Variants in DOCK9 observed in about 807,000 individuals in gnomAD.
DOCK9 encodes the protein dedicator of cytokinesis protein 9.
Under a neutral mutation model 263.3 loss-of-function variants are expected in DOCK9, and 89 were observed. The observed-to-expected ratio is 0.34, with a 90% CI of 0.28 to 0.40. The LOEUF is 0.40. Among genes scored for constraint, DOCK9 ranks in the 10% least tolerant of loss-of-function variants. The probability of loss-of-function intolerance (pLI) is 1.00; values close to 1 mark genes in which losing one functional copy is unlikely to be tolerated. For missense variants in DOCK9, 2,140 were observed against 2,603.4 expected (o/e 0.82, Z 3.87); for synonymous variants, 976 against 973.1 (o/e 1.00, Z -0.06).
chr13:99,083,220 A>G (rs1413944305), intron 1 of DOCK9, among the ~76,000 whole-genome samples: 1 of 151,700 alleles, frequency 6.6e-6, no homozygotes, highest in African/African-American at 2.4e-5. Context: ...ACGCCACTGC[A>G]CTCCAGCCTG....
At position 98,863,423 on chromosome 13, in the gene DOCK9, C is replaced by A. The variant is rs1282290340; in HGVS notation, c.3412G>T (p.Val1138Leu). 1 of 1,613,860 alleles carries A rather than the reference C, an allele frequency of 6.2e-7. No individual in the cohort carries two copies. Among genetic ancestry groups the A allele is most frequent in the African/African-American group, 1.3e-5 (1 of 74,888 alleles). The change falls in exon 31 of 53, where the codon GTG becomes TTG. Residue 1138 changes from valine to leucine, a missense_variant. Val to Leu is a conservative substitution (Grantham distance 32). This residue lies in a region of DOCK9 where 1,521 missense variants were observed against 1,741.7 expected (regional missense o/e 0.87). Coordinates refer to ENST00000682017, the MANE Select transcript of DOCK9 (RefSeq NM_001366683.2). Reference protein sequence around the residue: ...FREVRLIAISVLKNLLIKHSF... With the variant: ...FREVRLIAISLLKNLLIKHSF... ...TGCTTTATCAGCAGGTTCTTGAGCA[C>A]ACTGATGGCGATCAGACGGACCTCC... is the stretch of plus-strand genomic sequence containing the variant.
At chr13:98,974,099 C>T (rs973328564) in intron 1 of DOCK9, among the ~76,000 whole-genome samples, 12 of 152,014 alleles carry the variant, frequency 7.9e-5, no homozygotes, top group African/African-American at 2.9e-4. Context: ...CACCTTTTTC[C>T]TCTAAACTGT....
At chr13:98,885,328 G>A in intron 20 of DOCK9, 1 of 584,106 alleles carries the variant, frequency 1.7e-6, no homozygotes, top group Non-Finnish European at 2.9e-6. Context: ...TGCAGGCTGG[G>A]CATGGTGGCT....
At chr13:98,975,027 CAAATT>C (rs1265249727) in intron 1 of DOCK9, among the ~76,000 whole-genome samples, 1 of 152,082 alleles carries the variant, frequency 6.6e-6, no homozygotes, top group African/African-American at 2.4e-5. Flanking sequence ...CAATTAGAAA[CAAATT>C]AAATAACGAT....
intron 1 of DOCK9, among the ~76,000 whole-genome samples, chr13:99,083,775 G>A (rs1436857885): frequency 6.6e-6 from 1 of 151,674 alleles, no homozygotes; most frequent in Non-Finnish European, 1.5e-5. Flanking sequence ...GTTTTTAATG[G>A]CAGCCTTTAT....
At chr13:99,085,773 G>GT (rs2042305882) in intron 1 of DOCK9, among the ~76,000 whole-genome samples, 2 of 149,364 alleles carry the variant, frequency 1.3e-5, no homozygotes, top group South Asian at 2.2e-4. Flanking sequence ...CCTGAGCGCA[G>GT]ACTGGATGAG....
At chr13:98,860,353 G>C (rs965904654) in intron 33 of DOCK9, 52 bp downstream of exon 33, 1 of 1,552,210 alleles carries the variant, frequency 6.4e-7, no homozygotes, top group African/African-American at 1.4e-5. Flanking sequence ...TTGGCTCCAA[G>C]ACACTTTCAG....
intron 19 of DOCK9, 114 bp from the exon 20 acceptor site, chr13:98,885,945 G>T: frequency 1.0e-6 from 1 of 993,436 alleles, no homozygotes; most frequent in Non-Finnish European, 1.4e-6. Flanking sequence ...TCTCCGAGCG[G>T]ATATTAACAT....
intron 35 of DOCK9, among the ~76,000 whole-genome samples, chr13:98,850,909 T>C (rs1414385350): frequency 3.3e-5 from 5 of 152,176 alleles, no homozygotes; most frequent in Admixed American, 2.0e-4. Context: ...GGTTGAGAAA[T>C]AGGTAAAGAG....
chr13:98,891,211 C>T (rs1449060413), intron 15 of DOCK9, among the ~76,000 whole-genome samples: 1 of 152,132 alleles, frequency 6.6e-6, no homozygotes, highest in Admixed American at 6.5e-5. Context: ...GCTTGTGGAG[C>T]CTCTCTCAGC....
chr13:98,900,224 C>G (rs1294200341), intron 13 of DOCK9, among the ~76,000 whole-genome samples: 1 of 152,144 alleles, frequency 6.6e-6, no homozygotes, highest in African/African-American at 2.4e-5. Flanking sequence ...GAGGAGTGTG[C>G]AGAGGTAAGT....
intron 18 of DOCK9, among the ~76,000 whole-genome samples, chr13:98,887,143 A>ATAT (rs1470080750): frequency 1.4e-3 from 131 of 95,206 alleles, no homozygotes; most frequent in African/African-American, 5.2e-3. Flanking sequence ...ATATATATAT[A>ATAT]TTTTTTTTTT....
At chr13:98,820,021 C>G (rs989876678) in intron 45 of DOCK9, among the ~76,000 whole-genome samples, 1 of 152,164 alleles carries the variant, frequency 6.6e-6, no homozygotes, top group Admixed American at 6.5e-5. Flanking sequence ...ACAGTCAGTT[C>G]TCGTCATCTG....
rs899855216 is a variant in DOCK9 at position 98,825,368 on chromosome 13, C to T, written c.5024-864G>A. On this transcript the variant is annotated intron_variant, in intron 44 of 52. Transcript: ENST00000682017. This position sits in a 1 kb window ranked among gnomAD's most constrained non-coding sequence, Gnocchi z 4.1. ...ACAGAAGTAAAAACTTGAATTGAGA[C>T]TTCTACATTTAGGGAGAAAGAGGAA... Among the ~76,000 whole-genome samples the T allele has an allele frequency of 6.6e-6, 1 of 152,160 alleles. No individual in the cohort carries two copies. Among genetic ancestry groups the T allele is most frequent in the Admixed American group, 6.5e-5 (1 of 15,282 alleles).
chr13:98,810,434 T>TA lies in DOCK9; in HGVS notation c.5131-144dup, dbSNP rs1432704276. The TA allele has an allele frequency of 4.8e-6, 5 of 1,044,802 alleles. No individual in the cohort carries two copies. The East Asian group carries it at 1.2e-4, about 26-fold the overall frequency. 64.7% of individuals were successfully genotyped at this position (1,044,802 alleles called of 1,614,324 possible). ...ATGCATCAACACTCACTTCCACACT[T>TA]ACAACAACATTCTTTTTTAGGGAGC... On this transcript the variant is annotated intron_variant, in intron 45 of 52. Coordinates refer to ENST00000682017, the MANE Select transcript of DOCK9 (RefSeq NM_001366683.2).
At chr13:98,901,921 T>C in intron 12 of DOCK9, 21 bp from the exon 13 acceptor site, 1 of 1,608,470 alleles carries the variant, frequency 6.2e-7, no homozygotes, top group Non-Finnish European at 8.5e-7. Context: ...AACAATTTTC[T>C]TCAGTAAGCA....
intron 1 of DOCK9, among the ~76,000 whole-genome samples, chr13:98,973,459 T>A (rs1240391586): frequency 1.3e-5 from 2 of 152,314 alleles, no homozygotes; most frequent in East Asian, 3.9e-4. Context: ...CATCAAGTAC[T>A]CGCACTGCCT....
chr13:99,026,409 C>T (rs1275679046), intron 1 of DOCK9, among the ~76,000 whole-genome samples: 2 of 152,180 alleles, frequency 1.3e-5, no homozygotes, highest in Non-Finnish European at 1.5e-5. Flanking sequence ...CATATCACTA[C>T]CCTAACACAG....
At chr13:98,889,006 T>A (rs1372188132) in intron 15 of DOCK9, among the ~76,000 whole-genome samples, 1 of 152,222 alleles carries the variant, frequency 6.6e-6, no homozygotes, top group Non-Finnish European at 1.5e-5. Context: ...AAAGCACATC[T>A]CAATTCAGAC....
Sources: allele counts gnomAD v4.1 joint callset (sites outside exome capture counted in the v4.1 genomes callset), GRCh38; gene constraint gnomAD v4.1.1; regional missense constraint gnomAD v4.1.1; non-coding constraint Gnocchi (gnomAD v3.1); transcripts MANE v1.5; gene names NCBI Gene and HGNC (gene_info 2026-07-23, HGNC 2026-07-21).